NBAS: variants seen among roughly 807,000 people sequenced by gnomAD.
NBAS encodes the protein NAG/BC035112 fusion.
In NBAS, 219 loss-of-function variants were observed where a neutral mutation model predicts 302.5. The ratio of observed to expected loss-of-function variants is 0.72; its 90% confidence interval spans 0.65 to 0.81. The LOEUF is 0.81. NBAS is among the 30% of genes least tolerant of loss of function. The pLI is 0.00. For missense variants in NBAS, 2,932 were observed against 2,841.6 expected (o/e 1.03, Z -0.72); for synonymous variants, 1,118 against 1,021.6 (o/e 1.09, Z -1.80).
chr2:14,915,532 A>T, the NBAS span, among the ~76,000 whole-genome samples: 1 of 152,208 alleles, frequency 6.6e-6, no homozygotes, highest in Middle Eastern at 3.4e-3. Context: ...TGCTATTCTC[A>T]TGACAGTGAA....
At chr2:15,546,502 G>A (rs920904552) in intron 6 of NBAS, among the ~76,000 whole-genome samples, 1 of 152,114 alleles carries the variant, frequency 6.6e-6, no homozygotes, top group Non-Finnish European at 1.5e-5. Context: ...ACCAAGGCAG[G>A]TGGATCATTT....
chr2:15,148,930 C>T, the NBAS span, among the ~76,000 whole-genome samples: 1 of 152,182 alleles, frequency 6.6e-6, no homozygotes, highest in Non-Finnish European at 1.5e-5. Context: ...TTTAAGAAAA[C>T]TGAGTCCTCT....
the NBAS span, among the ~76,000 whole-genome samples, chr2:15,016,260 G>A: frequency 2.2e-4 from 33 of 152,224 alleles, no homozygotes; most frequent in African/African-American, 7.7e-4. Context: ...CAGATCCCGT[G>A]AGACTTATTC....
chr2:15,160,430 C>G, the NBAS span, among the ~76,000 whole-genome samples: 1 of 152,156 alleles, frequency 6.6e-6, no homozygotes, highest in South Asian at 2.1e-4. Context: ...GCTTAAGGGA[C>G]ACCCCGGGGC....
intron 5 of NBAS, among the ~76,000 whole-genome samples, chr2:15,551,858 G>C (rs1020104144): frequency 1.3e-5 from 2 of 152,160 alleles, no homozygotes; most frequent in African/African-American, 4.8e-5. Context: ...CAAGAAATGT[G>C]GGATGGGGCC....
chr2:15,474,013 T>C (rs772071531), intron 15 of NBAS, 54 bp downstream of exon 15: 65 of 1,607,292 alleles, frequency 4.0e-5, no homozygotes, highest in Non-Finnish European at 5.4e-5. Flanking sequence ...TTTTTCTCAA[T>C]AAAAGAAAAG....
the NBAS span, among the ~76,000 whole-genome samples, chr2:15,048,578 T>C: frequency 2.6e-5 from 4 of 152,170 alleles, no homozygotes; most frequent in Admixed American, 2.6e-4. Flanking sequence ...GTACTCCTGC[T>C]CCACCCAAGG....
chr2:15,128,145 CAAT>C, the NBAS span, among the ~76,000 whole-genome samples: 1 of 152,082 alleles, frequency 6.6e-6, no homozygotes, highest in Non-Finnish European at 1.5e-5. Flanking sequence ...CCCTTATCCT[CAAT>C]TTCAAAATAA....
the NBAS span, among the ~76,000 whole-genome samples, chr2:15,004,667 ATTTTTTTT>A: frequency 9.5e-6 from 1 of 105,444 alleles, no homozygotes; most frequent in South Asian, 3.5e-4. Context: ...CTCCCAGCTG[ATTTTTTTT>A]TTTTTTTTTT....
chr2:15,186,442 C>A (rs1430424689), intron 50 of NBAS, among the ~76,000 whole-genome samples: 1 of 152,130 alleles, frequency 6.6e-6, no homozygotes, highest in Non-Finnish European at 1.5e-5. Context: ...AATGCCTGAG[C>A]TACCATGGCC....
intron 42 of NBAS, among the ~76,000 whole-genome samples, chr2:15,283,590 G>A (rs966594661): frequency 2.2e-4 from 34 of 152,294 alleles, no homozygotes; most frequent in African/African-American, 7.9e-4. Flanking sequence ...TCCCAGCCAC[G>A]TGGAACTGAG....
the NBAS span, among the ~76,000 whole-genome samples, chr2:15,149,678 G>A: frequency 1.3e-5 from 2 of 151,902 alleles, no homozygotes; most frequent in Admixed American, 6.6e-5. Context: ...GTAGAAACAG[G>A]GTTTTGCCAT....
At chr2:15,558,822 A>C (rs1664770768) in intron 1 of NBAS, among the ~76,000 whole-genome samples, 188 bp from the exon 2 acceptor site, 1 of 152,152 alleles carries the variant, frequency 6.6e-6, no homozygotes, top group Non-Finnish European at 1.5e-5. Flanking sequence ...TAATCTCAGC[A>C]CTTTGGGATG....
At chr2:15,422,050 T>C (rs2148473500) in intron 23 of NBAS, among the ~76,000 whole-genome samples, 1 of 152,288 alleles carries the variant, frequency 6.6e-6, no homozygotes, top group East Asian at 1.9e-4. Context: ...AATTGCATAA[T>C]GACACATATC....
chr2:15,156,046 C>T, the NBAS span, among the ~76,000 whole-genome samples: 2 of 152,194 alleles, frequency 1.3e-5, no homozygotes, highest in Admixed American at 1.3e-4. Context: ...CGGAATCTCA[C>T]TAGAGACTTG....
the NBAS span, among the ~76,000 whole-genome samples, chr2:15,049,737 A>C: frequency 6.6e-6 from 1 of 152,190 alleles, no homozygotes; most frequent in East Asian, 1.9e-4. Flanking sequence ...ACAAGTGCCC[A>C]CTGTGTCCCA....
intron 12 of NBAS, among the ~76,000 whole-genome samples, chr2:15,481,940 G>T (rs979609165): frequency 6.6e-6 from 1 of 152,138 alleles, no homozygotes; most frequent in South Asian, 2.1e-4. Context: ...CCTTATTCCA[G>T]AGGGCTCCTG....
chr2:15,381,057 T>C lies in NBAS; in HGVS notation c.3361-1226A>G, dbSNP rs1675012580. On this transcript the variant is annotated intron_variant, in intron 29 of 51. Coordinates refer to ENST00000281513, the MANE Select transcript of NBAS (RefSeq NM_015909.4). ...ATCACTTATATCTGACAGATAAAAA[T>C]GGCTTACAATACGTCTAATCCAAAT... 2.0e-5 allele frequency among the ~76,000 whole-genome samples: 3 copies of C among 152,194 alleles called. No individual in the cohort carries two copies. The South Asian group carries it at 6.2e-4, about 31-fold the overall frequency.
intron 9 of NBAS, among the ~76,000 whole-genome samples, chr2:15,521,025 A>C (rs919498137): frequency 3.3e-5 from 5 of 152,256 alleles, no homozygotes; most frequent in African/African-American, 1.2e-4. Flanking sequence ...AATTTCATCT[A>C]TTATAACCTT....
Sources: allele counts gnomAD v4.1 joint callset (sites outside exome capture counted in the v4.1 genomes callset), GRCh38; gene constraint gnomAD v4.1.1; transcripts MANE v1.5; gene names NCBI Gene and HGNC (gene_info 2026-07-23, HGNC 2026-07-21).